Variants in POFUT2 observed in about 807,000 individuals in gnomAD.
The protein encoded by POFUT2 is GDP-fucose protein O-fucosyltransferase 2.
POFUT2 carries 30 observed loss-of-function variants against 55.0 expected under a neutral mutation model. The ratio of observed to expected loss-of-function variants is 0.55; its 90% confidence interval spans 0.41 to 0.74. The LOEUF (loss-of-function observed/expected upper bound fraction) is 0.74, where lower values mean the gene tolerates loss of function less well. Among genes scored for constraint, POFUT2 ranks in the 30% least tolerant of loss-of-function variants. The pLI is 0.00. For synonymous variants in POFUT2, 267 were observed against 231.1 expected, an observed-to-expected ratio of 1.16 and a Z score of -1.41; for missense variants, 524 against 562.6, an observed-to-expected ratio of 0.93 and a Z score of 0.69.
Position 45,269,969 on chromosome 21 carries a change from T to C in POFUT2, c.882A>G (p.Arg294=). 1 of 1,589,790 alleles carries C rather than the reference T, an allele frequency of 6.3e-7. No homozygotes were observed. Among genetic ancestry groups the C allele is most frequent in the Non-Finnish European group, 8.5e-7 (1 of 1,172,098 alleles). The change falls in exon 7 of 9, where the codon AGA becomes AGG. Residue 294 remains arginine, a synonymous_variant. Transcript: ENST00000349485. ...LGGPYLGVHL[R]RKDFIWGHRQ... is the part of the protein sequence containing the mutation. ...TGTGACCCCAGATGAAATCTTTTCT[T>C]CTCAGGTGGACTCCCAGGTAGGGGC...
At chr21:45,271,322 T>G (rs2093218230) in intron 6 of POFUT2, among the ~76,000 whole-genome samples, 1 of 152,136 alleles carries the variant, frequency 6.6e-6, no homozygotes. Context: ...AGACAAGGTT[T>G]TCAAATTAGC....
In POFUT2 at chr21:45,272,831, T is replaced by C. The variant is rs1181224911; in HGVS notation, c.832-2812A>G. On this transcript the variant is annotated intron_variant, in intron 6 of 8. Transcript: ENST00000349485. ...TCAACAATGAAATTAAGATGGAAAT[T>C]TAAAAATTCTTTGAACTGAACAATA... Among the ~76,000 whole-genome samples, 5 of 152,078 alleles carry C rather than the reference T, an allele frequency of 3.3e-5. No individual in the cohort carries two copies. In the East Asian group the frequency reaches 9.6e-4, roughly 29 times the overall value.
intron 7 of POFUT2, among the ~76,000 whole-genome samples, chr21:45,269,441 TA>T (rs1395539166): frequency 6.6e-6 from 1 of 152,094 alleles, no homozygotes; most frequent in Non-Finnish European, 1.5e-5. Context: ...TGTTCTGCAC[TA>T]AGAAAAATTC....
At position 45,265,697 on chromosome 21, in the gene POFUT2, C is replaced by A; in HGVS notation, c.1137-62G>T. 1 of 1,363,580 alleles carries A rather than the reference C, an allele frequency of 7.3e-7. No homozygotes were observed. The highest frequency in any genetic ancestry group is 1.8e-5 in the South Asian group (1 of 56,592). 84.5% of individuals were successfully genotyped at this position (1,363,580 alleles called of 1,614,324 possible). ...ACTGGCGTCACAGAGGTTCCAGAGT[C>A]AGGGAGAACTGAGAGGAGCAGCTGA... is the stretch of plus-strand genomic sequence containing the variant. On this transcript the variant is annotated intron_variant, in intron 8 of 8. Coordinates refer to ENST00000349485, the MANE Select transcript of POFUT2 (RefSeq NM_133635.6). The surrounding 1 kb of genome is among the most constrained non-coding windows in gnomAD (Gnocchi z 4.6).
rs1387965842 is a variant in POFUT2 at position 45,281,199 on chromosome 21, A to T, written c.638+1150T>A. On this transcript the variant is annotated intron_variant, in intron 4 of 8. Coordinates refer to ENST00000349485, the MANE Select transcript of POFUT2 (RefSeq NM_133635.6). This position sits in a 1 kb window ranked among gnomAD's most constrained non-coding sequence, Gnocchi z 5.0. ...GCAGAAGCGTTTCTCCTAAATCAGG[A>T]CCATCTAGTTGGAAGCCCCCTCTGG... 6.6e-6 allele frequency among the ~76,000 whole-genome samples: 1 copy of T among 152,064 alleles called. No homozygotes were observed. The highest frequency in any genetic ancestry group is 1.5e-5 in the Non-Finnish European group (1 of 68,014).
chr21:45,273,288 A>C (rs1328471289), intron 6 of POFUT2, among the ~76,000 whole-genome samples: 1 of 152,164 alleles, frequency 6.6e-6, no homozygotes. Flanking sequence ...GAAAATCAAG[A>C]GGATAAATTC....
rs548285603 is a variant in POFUT2 at position 45,282,035 on chromosome 21, G to A, written c.638+314C>T. ...AAAAGCTGCCCAAGTGCTACAAATCGAGAACAGTCTCATGGTGAGCTCCCC... is the reference window on the plus strand; with the variant it reads ...AAAAGCTGCCCAAGTGCTACAAATCAAGAACAGTCTCATGGTGAGCTCCCC... On this transcript the variant is annotated intron_variant, in intron 4 of 8. Coordinates refer to ENST00000349485, the MANE Select transcript of POFUT2 (RefSeq NM_133635.6). The surrounding 1 kb of genome is among the most constrained non-coding windows in gnomAD (Gnocchi z 4.6). Among the ~76,000 whole-genome samples, 22 of 152,284 alleles carry A rather than the reference G, an allele frequency of 1.4e-4. No individual in the cohort carries two copies. The highest frequency in any genetic ancestry group is 5.1e-4 in the African/African-American group (21 of 41,562).
chr21:45,287,671 G>T, intron 1 of POFUT2, 70 bp downstream of exon 1: 2 of 202,518 alleles, frequency 9.9e-6, no homozygotes, highest in Non-Finnish European at 7.2e-6. Flanking sequence ...ACCCCGCCCC[G>T]CCCCCATCCC....
chr21:45,265,287 T>A lies in POFUT2; in HGVS notation c.*195A>T. On this transcript the variant is annotated 3_prime_UTR_variant, in exon 9 of 9. Coordinates refer to ENST00000349485, the MANE Select transcript of POFUT2 (RefSeq NM_133635.6). The surrounding 1 kb of genome is among the most constrained non-coding windows in gnomAD (Gnocchi z 4.6). ...CCCCGAGAGCAGCGGAGCCTCTTCA[T>A]CAGCCATGGCGGCTGGCAACGCCGA... 2.3e-6 allele frequency: 1 copy of A among 437,596 alleles called. No individual in the cohort carries two copies. 27.1% of individuals were successfully genotyped at this position (437,596 alleles called of 1,614,324 possible).
Position 45,267,660 on chromosome 21 carries a change from A to C in POFUT2, c.1066T>G (p.Trp356Gly), listed in dbSNP as rs1361729106. 1 of 1,614,072 alleles carries C rather than the reference A, an allele frequency of 6.2e-7. No individual in the cohort carries two copies. Among genetic ancestry groups the C allele is most frequent in the Non-Finnish European group, 8.5e-7 (1 of 1,180,042 alleles). Reference sequence around the variant, plus strand: ...TCCTTGTAGAGCTCCAGCTCCTCCCACGTGGGTTCAAACCTCACCATCTCG... The same window carrying C: ...TCCTTGTAGAGCTCCAGCTCCTCCCCCGTGGGTTCAAACCTCACCATCTCG... ...LPEMVRFEPT[W>G]EELELYKDGG... The change falls in exon 8 of 9, where the codon TGG (tryptophan) becomes GGG (glycine). Residue 356 changes from tryptophan to glycine, a missense_variant. Transcript: ENST00000349485. This position sits in a 1 kb window ranked among gnomAD's most constrained non-coding sequence, Gnocchi z 4.4.
chr21:45,265,398 G>A lies in POFUT2; in HGVS notation c.*84C>T. The A allele has an allele frequency of 7.8e-7, 1 of 1,280,046 alleles. No homozygotes were observed. Among genetic ancestry groups the A allele is most frequent in the Non-Finnish European group, 1.1e-6 (1 of 915,318 alleles). 79.3% of individuals were successfully genotyped at this position (1,280,046 alleles called of 1,614,324 possible). A position where few individuals can be genotyped will look rare whatever the true frequency, so the allele number is the denominator to read the frequency against. Reference sequence around the variant, plus strand: ...GGTCCTGTCCGCCCAGCTCCCGGCTGGCAGTAGACGGTGACTCCACGGCGA... The same window carrying A: ...GGTCCTGTCCGCCCAGCTCCCGGCTAGCAGTAGACGGTGACTCCACGGCGA... On this transcript the variant is annotated 3_prime_UTR_variant, in exon 9 of 9. Transcript: ENST00000349485. This position sits in a 1 kb window ranked among gnomAD's most constrained non-coding sequence, Gnocchi z 4.6.
At chr21:45,287,222 T>C (rs867119188) in intron 1 of POFUT2, among the ~76,000 whole-genome samples, 33 of 87,676 alleles carry the variant, frequency 3.8e-4, no homozygotes, top group South Asian at 9.0e-4. Context: ...CCTGCCCCTG[T>C]CCCGTCCCCG....
At position 45,270,084 on chromosome 21, in the gene POFUT2, G is replaced by A. The variant is rs2246697; in HGVS notation, c.832-65C>T. The A allele has an allele frequency of 0.3, 413,132 of 1,357,254 alleles. 63,927 individuals carry two copies. Among genetic ancestry groups the A allele is most frequent in the South Asian group, 0.43 (25,985 of 61,114 alleles). 84.1% of individuals were successfully genotyped at this position (1,357,254 alleles called of 1,614,324 possible). On this transcript the variant is annotated intron_variant, in intron 6 of 8. Transcript: ENST00000349485. This position sits in a 1 kb window ranked among gnomAD's most constrained non-coding sequence, Gnocchi z 4.6. ...GGGCTCGGGGCTCATCCTGGGCACCGGGTGGGACTCGAGACGCAGAGGGAT... is the reference window on the plus strand; with the variant it reads ...GGGCTCGGGGCTCATCCTGGGCACCAGGTGGGACTCGAGACGCAGAGGGAT...
At chr21:45,266,838 G>A (rs956548610) in intron 8 of POFUT2, 8 of 1,005,136 alleles carry the variant, frequency 8.0e-6, no homozygotes, top group African/African-American at 1.7e-5. Context: ...TGCTAACCAC[G>A]GGGAAGATCA....
rs1421746565 is a variant in POFUT2, at chr21:45,285,233, A to G, written c.382+445T>C. ...TTAATTCTTCTCTTAAAATTAACTG[A>G]AAAGATTAAGCAACACAAAATTAAA... On this transcript the variant is annotated intron_variant, in intron 2 of 8. Transcript: ENST00000349485. The surrounding 1 kb of genome is among the most constrained non-coding windows in gnomAD (Gnocchi z 4.9). 1 of 195,374 alleles carries G rather than the reference A, an allele frequency of 5.1e-6. No individual in the cohort carries two copies. Among genetic ancestry groups the G allele is most frequent in the Non-Finnish European group, 1.1e-5 (1 of 92,772 alleles). 12.1% of individuals were successfully genotyped at this position (195,374 alleles called of 1,614,324 possible).
chr21:45,266,162 A>G (rs1185870054), intron 8 of POFUT2: 1 of 1,367,010 alleles, frequency 7.3e-7, no homozygotes, highest in Middle Eastern at 2.1e-4. Flanking sequence ...ACCTCAGGTC[A>G]GCGGCCTGCC....
chr21:45,276,537 T>G (rs1447280781), intron 6 of POFUT2, among the ~76,000 whole-genome samples: 1 of 152,204 alleles, frequency 6.6e-6, no homozygotes, highest in African/African-American at 2.4e-5. Flanking sequence ...ACTCAAACTT[T>G]CAGAAAACAC....
chr21:45,283,653 A>G, intron 2 of POFUT2, 126 bp from the exon 3 acceptor site: 2 of 994,916 alleles, frequency 2.0e-6, no homozygotes, highest in Non-Finnish European at 3.0e-6. Context: ...GGAGTGTAGG[A>G]GGCTCACAAA....
Position 45,265,832 on chromosome 21 carries a change from G to A in POFUT2, c.1137-197C>T, listed in dbSNP as rs1398978595. On this transcript the variant is annotated intron_variant, in intron 8 of 8. Transcript: ENST00000349485. This position sits in a 1 kb window ranked among gnomAD's most constrained non-coding sequence, Gnocchi z 4.6. ...TCGCTCAGGTGCCCTCGACATCGGC[G>A]CCCTGAGGGGCTCTGCCTGGTGCTG... 1.6e-5 allele frequency: 22 copies of A among 1,397,970 alleles called. No homozygotes were observed. The Admixed American group carries it at 2.4e-4, about 15-fold the overall frequency. 86.6% of individuals were successfully genotyped at this position (1,397,970 alleles called of 1,614,324 possible).
Sources: allele counts gnomAD v4.1 joint callset (sites outside exome capture counted in the v4.1 genomes callset), GRCh38; gene constraint gnomAD v4.1.1; non-coding constraint Gnocchi (gnomAD v3.1); transcripts MANE v1.5; gene names NCBI Gene and HGNC (gene_info 2026-07-23, HGNC 2026-07-21).